The following ATAD2 variants were observed in gnomAD, a reference collection of about 807,000 sequenced individuals.
ATAD2 encodes the protein ATPase family AAA domain containing 2.
In ATAD2, 62 loss-of-function variants were observed where a neutral mutation model predicts 168.9. The ratio of observed to expected loss-of-function variants is 0.37; its 90% confidence interval spans 0.30 to 0.45. ATAD2 has a LOEUF of 0.45. ATAD2 is among the 20% of genes least tolerant of loss of function. ATAD2 has a pLI of 1.00. For synonymous variants in ATAD2, 613 were observed against 571.6 expected, an observed-to-expected ratio of 1.07 and a Z score of -1.03; for missense variants, 1,419 against 1,667.8, an observed-to-expected ratio of 0.85 and a Z score of 2.60.
chr8:123,388,501 C>T (rs559031936), intron 1 of ATAD2, among the ~76,000 whole-genome samples: 1 of 152,114 alleles, frequency 6.6e-6, no homozygotes, highest in Non-Finnish European at 1.5e-5. Context: ...TCAAGCGATT[C>T]TCTCTCTCAG....
intron 1 of ATAD2, among the ~76,000 whole-genome samples, chr8:123,405,502 G>A (rs1489755423): frequency 6.6e-6 from 1 of 151,880 alleles, no homozygotes; most frequent in Non-Finnish European, 1.5e-5. Context: ...GAGCTCAGAT[G>A]ATCTGCCCAC....
chr8:123,361,670 AT>A, intron 8 of ATAD2, 24 bp from the exon 9 acceptor site: 1 of 1,570,884 alleles, frequency 6.4e-7, no homozygotes, highest in Non-Finnish European at 8.7e-7. Context: ...CAAAATTGAA[AT>A]CATGATAAGG....
upstream of ATAD2, chr8:123,401,043 C>T (rs990528904): frequency 1.3e-5 from 21 of 1,571,174 alleles, no homozygotes; most frequent in Admixed American, 8.4e-5. Flanking sequence ...AGCCGGTGGG[C>T]ATCGTCACTT....
intron 8 of ATAD2, among the ~76,000 whole-genome samples, chr8:123,367,924 A>C (rs1158448136): frequency 6.6e-6 from 1 of 152,210 alleles, no homozygotes; most frequent in East Asian, 1.9e-4. Flanking sequence ...GTCTGTCTCT[A>C]GGAGAAAACT....
chr8:123,415,913 A>G (rs1196425157), intron 1 of ATAD2, among the ~76,000 whole-genome samples: 1 of 152,160 alleles, frequency 6.6e-6, no homozygotes, highest in East Asian at 1.9e-4. Context: ...TTTTAACAAT[A>G]TGGTGTCTTT....
Position 123,345,059 on chromosome 8 carries a change from T to C in ATAD2, c.2543A>G (p.Glu848Gly). 1 of 1,607,152 alleles carries C rather than the reference T, an allele frequency of 6.2e-7. No homozygotes were observed. Among genetic ancestry groups the C allele is most frequent in the Middle Eastern group, 1.7e-4 (1 of 6,028 alleles). The change falls in exon 19 of 28, where the codon GAA (glutamate) becomes GGA (glycine). Residue 848 changes from glutamate to glycine, a missense_variant. Coordinates refer to ENST00000287394, the MANE Select transcript of ATAD2 (RefSeq NM_014109.4). ...PEETCAQVIR[E>G]AKRTAPSIVY... ...TATACTTGGTGCTGTTCTCTTAGCT[T>C]CACGAATCACCTAGTAGAGAGAGAA...
chr8:123,335,640 G>A (rs556862615), intron 22 of ATAD2, among the ~76,000 whole-genome samples: 8 of 152,250 alleles, frequency 5.3e-5, no homozygotes, highest in African/African-American at 1.9e-4. Flanking sequence ...AAATGGACAA[G>A]CTGCAGAACA....
chr8:123,398,820 C>G (rs1219449613), upstream of ATAD2, among the ~76,000 whole-genome samples: 1 of 152,066 alleles, frequency 6.6e-6, no homozygotes, highest in African/African-American at 2.4e-5. Context: ...TCTGATTTTT[C>G]TTGCATGAAT....
intron 5 of ATAD2, 107 bp downstream of exon 5, chr8:123,371,129 T>A (rs547540466): frequency 2.7e-6 from 3 of 1,103,366 alleles, no homozygotes; most frequent in African/African-American, 3.2e-5. Context: ...TAATGACTGA[T>A]CAAATAAATG....
upstream of ATAD2, among the ~76,000 whole-genome samples, chr8:123,396,840 C>T (rs1353139069): frequency 1.3e-5 from 2 of 152,068 alleles, no homozygotes; most frequent in Admixed American, 1.3e-4. Flanking sequence ...CTGCTTCCCG[C>T]CATCCAGGAT....
rs1250684945 is a variant in ATAD2, at chr8:123,389,976, ATATATATATTTT to A, written c.171+6199_171+6210del. On this transcript the variant is annotated intron_variant, in intron 1 of 27. Coordinates refer to ENST00000287394, the MANE Select transcript of ATAD2 (RefSeq NM_014109.4). ...ACTATTATTTTATATATATATATATATATATATATTTTTTTTTTTTTAGACAGAGTCTTGCTC... is the reference window on the plus strand; with the variant it reads ...ACTATTATTTTATATATATATATATATTTTTTTTTAGACAGAGTCTTGCTC... 4.3e-3 allele frequency among the ~76,000 whole-genome samples: 521 copies of A among 121,284 alleles called. 6 individuals are homozygous for A. The highest frequency in any genetic ancestry group is 0.016 in the African/African-American group (486 of 30,622). 79.6% of individuals were successfully genotyped at this position (121,284 alleles called of 152,430 possible).
At position 123,349,347 on chromosome 8, in the gene ATAD2, G is replaced by C. The variant is rs1228751114; in HGVS notation, c.1744C>G (p.Pro582Ala). 11 of 1,613,902 alleles carry C rather than the reference G, an allele frequency of 6.8e-6. No individual in the cohort carries two copies. The highest frequency in any genetic ancestry group is 2.7e-5 in the African/African-American group (2 of 74,888). ...GATNRLDSIDPALRRPGRFDR... is the reference protein window; with the variant it reads ...GATNRLDSIDAALRRPGRFDR... The stretch of plus-strand genomic sequence containing the variant: ...AAGCGACCAGGCCTTCGTAAAGCAG[G>C]ATCTATAGAATCTAGCCTGTTCGTA... Residue 582 changes from proline (P) to alanine (A), a missense_variant, in exon 14 of 28, where the codon CCT becomes GCT. By Grantham distance (27) the Pro-to-Ala change is conservative. This residue lies in a region of ATAD2 where 545 missense variants were observed against 724.9 expected (regional missense o/e 0.75). Coordinates refer to ENST00000287394, the MANE Select transcript of ATAD2 (RefSeq NM_014109.4).
upstream of ATAD2, chr8:123,396,474 C>G (rs982954925): frequency 1.7e-6 from 2 of 1,153,286 alleles, no homozygotes; most frequent in African/African-American, 1.6e-5. Context: ...CGCCAGCGGC[C>G]GCAGCGCGCG....
intron 1 of ATAD2, among the ~76,000 whole-genome samples, chr8:123,388,855 C>T (rs1247772306): frequency 6.6e-6 from 1 of 151,380 alleles, no homozygotes; most frequent in African/African-American, 2.4e-5. Flanking sequence ...TAAAATGCTT[C>T]GGTCCCTTGG....
At chr8:123,383,648 C>T (rs1397069317) in intron 1 of ATAD2, among the ~76,000 whole-genome samples, 1 of 152,146 alleles carries the variant, frequency 6.6e-6, no homozygotes, top group Non-Finnish European at 1.5e-5. Flanking sequence ...TGGCGCATGC[C>T]TGTAATCCCA....
intron 1 of ATAD2, among the ~76,000 whole-genome samples, chr8:123,408,626 C>T (rs1813103311): frequency 6.6e-6 from 1 of 152,198 alleles, no homozygotes; most frequent in South Asian, 2.1e-4. Context: ...AAGCTATTCT[C>T]CTGCCTCAGC....
intron 13 of ATAD2, among the ~76,000 whole-genome samples, chr8:123,354,237 A>C (rs1321526487): frequency 6.6e-6 from 1 of 152,200 alleles, no homozygotes; most frequent in African/African-American, 2.4e-5. Context: ...ATAATTACTT[A>C]TTTGCATTAT....
rs757432225 is a variant in ATAD2 at position 123,321,151 on chromosome 8, A to C, written c.4156T>G (p.Phe1386Val). The change falls in exon 28 of 28, where the codon TTC becomes GTC. Residue 1386 changes from phenylalanine (F) to valine (V), a missense_variant. This residue lies in a region of ATAD2 where 303 missense variants were observed against 304.3 expected (regional missense o/e 1.00). Transcript: ENST00000287394. ...IQKMEQEVEN[F>V]SCSR is the part of the protein sequence containing the mutation. ...TGACATCATCATCTGGAACAACTGA[A>C]GTTTTCTACCTCTTGCTCCATTTTC... The C allele has an allele frequency of 3.7e-6, 6 of 1,610,144 alleles. No homozygotes were observed. Among genetic ancestry groups the C allele is most frequent in the Non-Finnish European group, 4.2e-6 (5 of 1,179,038 alleles).
At chr8:123,380,704 T>G in intron 1 of ATAD2, 27 bp from the exon 2 acceptor site, 10 of 1,588,308 alleles carry the variant, frequency 6.3e-6, no homozygotes, top group Non-Finnish European at 8.6e-6. Flanking sequence ...GAAAGCCATC[T>G]AAGTTTTTCT....
Sources: gnomAD v4.1 joint callset for allele counts (sites outside exome capture counted in the v4.1 genomes callset) on GRCh38, gnomAD v4.1.1 for gene constraint, gnomAD v4.1.1 regional missense constraint, MANE v1.5 for transcripts, NCBI Gene and HGNC (gene_info 2026-07-23, HGNC 2026-07-21) for gene names.